TPO: variants seen among roughly 807,000 people sequenced by gnomAD.
TPO encodes thyroid microsomal antigen.
In TPO, 78 loss-of-function variants were observed where a neutral mutation model predicts 96.9. The observed-to-expected ratio is 0.81, with a 90% CI of 0.67 to 0.97. The LOEUF is 0.97. Among genes scored for constraint, TPO ranks in the 50% least tolerant of loss-of-function variants. The probability of loss-of-function intolerance (pLI) is 0.00; values close to 1 mark genes in which losing one functional copy is unlikely to be tolerated. For synonymous variants in TPO, 547 were observed against 538.0 expected (o/e 1.02, Z -0.23); for missense variants, 1,252 against 1,274.8 (o/e 0.98, Z 0.27).
chr2:1,463,112 G>T (rs1402446372), intron 7 of TPO, among the ~76,000 whole-genome samples: 1 of 152,194 alleles, frequency 6.6e-6, no homozygotes, highest in Non-Finnish European at 1.5e-5. Context: ...GAGGACACCT[G>T]CGTGCCCGTG....
intron 1 of TPO, among the ~76,000 whole-genome samples, chr2:1,399,442 A>G (rs1291265241): frequency 6.6e-6 from 1 of 152,194 alleles, no homozygotes; most frequent in Non-Finnish European, 1.5e-5. Context: ...CTACACACAT[A>G]CCCACGGTGA....
intron 15 of TPO, among the ~76,000 whole-genome samples, chr2:1,526,189 TCCC>T (rs1297337936): frequency 1.6e-5 from 1 of 63,036 alleles, no homozygotes; most frequent in Non-Finnish European, 2.8e-5. Context: ...CCTCCTCAAA[TCCC>T]CCCACTGTGT....
rs1351026626 is a variant in TPO, at chr2:1,526,251, C to A, written c.2618+9269C>A. 2.7e-5 allele frequency among the ~76,000 whole-genome samples: 3 copies of A among 110,268 alleles called. No homozygotes were observed. In the Admixed American group the frequency reaches 3.1e-4, roughly 12 times the overall value. The allele number at this position is 110,268 out of a possible 152,430, so 72.3% of individuals were successfully genotyped here. A position where few individuals can be genotyped will look rare whatever the true frequency, so the allele number is the denominator to read the frequency against. ...TGTGTGCAACACCCCCAAGTCCCCC[C>A]CACTGTGAGCAACCACCCCAGTCCC... On this transcript the variant is annotated intron_variant, in intron 15 of 16. Coordinates refer to ENST00000329066, the MANE Select transcript of TPO (RefSeq NM_001206744.2).
chr2:1,511,644 C>G (rs1006119531), intron 14 of TPO, among the ~76,000 whole-genome samples: 8 of 152,188 alleles, frequency 5.3e-5, no homozygotes, highest in Non-Finnish European at 1.2e-4. Flanking sequence ...CTGCAGATAC[C>G]ACCTTCTCCC....
chr2:1,508,660 A>G (rs371530161), intron 14 of TPO, among the ~76,000 whole-genome samples: 2 of 152,120 alleles, frequency 1.3e-5, no homozygotes, highest in South Asian at 2.1e-4. Flanking sequence ...TAGATTTTCT[A>G]GTTTATTTGC....
At chr2:1,485,270 G>A (rs1017858826) in intron 9 of TPO, among the ~76,000 whole-genome samples, 4 of 152,260 alleles carry the variant, frequency 2.6e-5, no homozygotes, top group South Asian at 2.1e-4. Context: ...ATTCCTTGGT[G>A]TATATGTGCC....
chr2:1,440,740 T>C (rs1666090056), intron 5 of TPO, among the ~76,000 whole-genome samples: 1 of 151,184 alleles, frequency 6.6e-6, no homozygotes, highest in Non-Finnish European at 1.5e-5. Flanking sequence ...CCTGTTTGTA[T>C]GATCTAGTCA....
intron 8 of TPO, among the ~76,000 whole-genome samples, chr2:1,483,596 G>A (rs1400880527): frequency 6.6e-6 from 1 of 152,228 alleles, no homozygotes; most frequent in Non-Finnish European, 1.5e-5. Flanking sequence ...CTGTTTGCAC[G>A]ATGAAGTCGT....
Position 1,487,976 on chromosome 2 carries a change from G to T in TPO, c.1753G>T (p.Asp585Tyr). ...GTCCATCAACCTGCAGAGGGGCCGG[G>T]ACCACGGGCTGCCAGGTCTGCCAGT... Reference protein sequence around the residue: ...LASINLQRGRDHGLPGYNEWR... With the variant: ...LASINLQRGRYHGLPGYNEWR... The change falls in exon 10 of 17, where the codon GAC (aspartate) becomes TAC (tyrosine). Residue 585 changes from aspartate (D) to tyrosine (Y), a missense_variant. Asp to Tyr is a radical substitution (Grantham distance 160). Transcript: ENST00000329066. 6.2e-7 allele frequency: 1 copy of T among 1,613,388 alleles called. No individual in the cohort carries two copies. Among genetic ancestry groups the T allele is most frequent in the Non-Finnish European group, 8.5e-7 (1 of 1,180,032 alleles).
intron 1 of TPO, among the ~76,000 whole-genome samples, chr2:1,375,066 A>C (rs1457687308): frequency 1.3e-5 from 2 of 152,150 alleles, no homozygotes; most frequent in Non-Finnish European, 2.9e-5. Flanking sequence ...AAGAATAGAA[A>C]AACTGAAAAT....
At chr2:1,534,342 C>A (rs995699406) in intron 15 of TPO, among the ~76,000 whole-genome samples, 4 of 140,540 alleles carry the variant, frequency 2.8e-5, no homozygotes, top group Non-Finnish European at 6.2e-5. Flanking sequence ...CTGTGTGCAA[C>A]TTCCCTAAGT....
chr2:1,530,299 C>A (rs1168843022), intron 15 of TPO, among the ~76,000 whole-genome samples: 1 of 93,172 alleles, frequency 1.1e-5, no homozygotes, highest in Non-Finnish European at 2.2e-5. Context: ...CCAGTGTGAG[C>A]AACCTCCTAA....
rs768049159 is a variant in TPO, at chr2:1,477,542, G to A, written c.1276G>A (p.Ala426Thr). 31 of 1,535,282 alleles carry A rather than the reference G, an allele frequency of 2.0e-5. 1 individual carries two copies. The South Asian group carries it at 3.3e-4, about 17-fold the overall frequency. The change falls in exon 8 of 17, where the codon GCG becomes ACG. Residue 426 changes from alanine to threonine, a missense_variant. Coordinates refer to ENST00000329066, the MANE Select transcript of TPO (RefSeq NM_001206744.2). ...RLAAALKALNAHWSADAVYQE... is the reference protein window; with the variant it reads ...RLAAALKALNTHWSADAVYQE... ...GGCCGCGGCGCTCAAGGCCCTCAAT[G>A]CGCACTGGAGCGCGGACGCCGTGTA...
intron 2 of TPO, among the ~76,000 whole-genome samples, chr2:1,415,537 C>T (rs1662857069): frequency 1.3e-5 from 2 of 148,650 alleles, no homozygotes; most frequent in African/African-American, 2.5e-5. Context: ...GAGCAGGTGA[C>T]ACCTTGCCGG....
intron 5 of TPO, among the ~76,000 whole-genome samples, chr2:1,452,851 C>T (rs1325119039): frequency 6.6e-6 from 1 of 152,212 alleles, no homozygotes; most frequent in Non-Finnish European, 1.5e-5. Flanking sequence ...ATTGTGCCTA[C>T]ACCCCTTCAA....
chr2:1,444,436 G>C (rs568395615), intron 5 of TPO, among the ~76,000 whole-genome samples: 3 of 146,648 alleles, frequency 2.0e-5, no homozygotes, highest in Non-Finnish European at 3.0e-5. Flanking sequence ...GAAGGGAATG[G>C]AGCTGGCTCC....
chr2:1,374,683 T>C (rs1573048107), intron 1 of TPO, among the ~76,000 whole-genome samples: 1 of 151,960 alleles, frequency 6.6e-6, no homozygotes, highest in African/African-American at 2.4e-5. Flanking sequence ...CCAGAAAACA[T>C]GAGCCCTGTA....
intron 5 of TPO, among the ~76,000 whole-genome samples, chr2:1,442,773 T>C (rs909120465): frequency 3.3e-5 from 5 of 152,236 alleles, no homozygotes; most frequent in African/African-American, 1.2e-4. Flanking sequence ...TGCTCATTTC[T>C]AGGGTTGTCA....
At chr2:1,531,254 C>T (rs1183485993) in intron 15 of TPO, among the ~76,000 whole-genome samples, 1 of 128,856 alleles carries the variant, frequency 7.8e-6, no homozygotes, top group Non-Finnish European at 1.7e-5. Flanking sequence ...TCATATTCCC[C>T]CCACTGTGTG....
Sources: allele counts gnomAD v4.1 joint callset (sites outside exome capture counted in the v4.1 genomes callset), GRCh38; gene constraint gnomAD v4.1.1; transcripts MANE v1.5; gene names NCBI Gene and HGNC (gene_info 2026-07-23, HGNC 2026-07-21).